The following TMEM33 variants were observed in gnomAD, a reference collection of about 807,000 sequenced individuals.
TMEM33 encodes transmembrane protein 33.
Under a neutral mutation model 29.7 loss-of-function variants are expected in TMEM33, and 16 were observed. That is an observed-to-expected ratio of 0.54 (90% CI 0.36 to 0.82). The LOEUF (loss-of-function observed/expected upper bound fraction) is 0.82, where lower values mean the gene tolerates loss of function less well. TMEM33 is among the 40% of genes least tolerant of loss of function. The pLI is 0.00. For missense variants in TMEM33, 252 were observed against 295.3 expected (o/e 0.85, Z 1.08); for synonymous variants, 112 against 109.4 (o/e 1.02, Z -0.15).
At position 41,958,075 on chromosome 4, in the gene TMEM33, GC is replaced by G. The variant is rs1713339435; in HGVS notation, c.*3878del. 6.6e-6 allele frequency: 1 copy of G among 152,122 alleles called. No individual in the cohort carries two copies. Among genetic ancestry groups the G allele is most frequent in the Non-Finnish European group, 1.5e-5 (1 of 68,246 alleles). 9.4% of individuals were successfully genotyped at this position (152,122 alleles called of 1,614,324 possible). On this transcript the variant is annotated 3_prime_UTR_variant, in exon 7 of 7. Coordinates refer to ENST00000504986, the MANE Select transcript of TMEM33 (RefSeq NM_018126.3). ...GTTGGCCAGGCTGGAGTGCAATGGC[GC>G]CATCTCAGCTCACTGCAACCTCTGC...
intron 6 of TMEM33, among the ~76,000 whole-genome samples, chr4:41,951,420 T>C (rs917354825): frequency 6.6e-6 from 1 of 152,138 alleles, no homozygotes; most frequent in African/African-American, 2.4e-5. Flanking sequence ...TATGCAAAAA[T>C]TTTATCATTG....
Position 41,954,274 on chromosome 4 carries a change from T to G in TMEM33, c.*75T>G. On this transcript the variant is annotated 3_prime_UTR_variant, in exon 7 of 7. Coordinates refer to ENST00000504986, the MANE Select transcript of TMEM33 (RefSeq NM_018126.3). Reference sequence around the variant, plus strand: ...GGTACTTCTGCTAGGGGTTGTAAATTCCAGGTGTTACACTGACCTCAATCC... The same window carrying G: ...GGTACTTCTGCTAGGGGTTGTAAATGCCAGGTGTTACACTGACCTCAATCC... 6.5e-7 allele frequency: 1 copy of G among 1,534,198 alleles called. No homozygotes were observed. The highest frequency in any genetic ancestry group is 8.9e-7 in the Non-Finnish European group (1 of 1,125,016).
At chr4:41,935,141 C>T (rs1481525438), upstream of TMEM33, 4 of 412,152 alleles carry the variant, frequency 9.7e-6, no homozygotes, top group Non-Finnish European at 1.8e-5. Flanking sequence ...AGGAGCACTT[C>T]CGGGTTCGGC....
chr4:41,944,985 ACT>A, intron 5 of TMEM33, 59 bp downstream of exon 5: 1 of 1,583,968 alleles, frequency 6.3e-7, no homozygotes, highest in East Asian at 2.2e-5. Context: ...AAAGATAGTA[ACT>A]CAAGTTTTAT....
Position 41,954,265 on chromosome 4 carries a change from G to T in TMEM33, c.*66G>T. Reference sequence around the variant, plus strand: ...TTAGCAGCTGGTACTTCTGCTAGGGGTTGTAAATTCCAGGTGTTACACTGA... The same window carrying T: ...TTAGCAGCTGGTACTTCTGCTAGGGTTTGTAAATTCCAGGTGTTACACTGA... On this transcript the variant is annotated 3_prime_UTR_variant, in exon 7 of 7. Coordinates refer to ENST00000504986, the MANE Select transcript of TMEM33 (RefSeq NM_018126.3). 6 of 1,553,288 alleles carry T rather than the reference G, an allele frequency of 3.9e-6. No homozygotes were observed. The highest frequency in any genetic ancestry group is 1.7e-4 in the Middle Eastern group (1 of 5,792).
rs924493294 is a variant in TMEM33 at position 41,957,103 on chromosome 4, T to C, written c.*2904T>C. Reference sequence around the variant, plus strand: ...TGGAAGTGGTGTAGTACCATTGTTCTTCTGGCATTTTTAAATATTAAACCT... The same window carrying C: ...TGGAAGTGGTGTAGTACCATTGTTCCTCTGGCATTTTTAAATATTAAACCT... On this transcript the variant is annotated 3_prime_UTR_variant, in exon 7 of 7. Coordinates refer to ENST00000504986, the MANE Select transcript of TMEM33 (RefSeq NM_018126.3). The C allele has an allele frequency of 6.6e-6, 1 of 152,160 alleles. No individual in the cohort carries two copies. Among genetic ancestry groups the C allele is most frequent in the Admixed American group, 6.5e-5 (1 of 15,278 alleles). The allele number at this position is 152,160 out of a possible 1,614,324, so 9.4% of individuals were successfully genotyped here.
intron 1 of TMEM33, among the ~76,000 whole-genome samples, chr4:41,935,784 T>G (rs1411517715): frequency 6.6e-6 from 1 of 152,174 alleles, no homozygotes; most frequent in Non-Finnish European, 1.5e-5. Flanking sequence ...AAATTGGGCC[T>G]TCTTTCCTCT....
At position 41,955,683 on chromosome 4, in the gene TMEM33, C is replaced by G. The variant is rs1379492219; in HGVS notation, c.*1484C>G. 2 of 152,576 alleles carry G rather than the reference C, an allele frequency of 1.3e-5. No individual in the cohort carries two copies. The highest frequency in any genetic ancestry group is 1.9e-4 in the East Asian group (1 of 5,194). 9.5% of individuals were successfully genotyped at this position (152,576 alleles called of 1,614,324 possible). A position where few individuals can be genotyped will look rare whatever the true frequency, so the allele number is the denominator to read the frequency against. ...ATTTTTGTAATATTTGTCCACTAAG[C>G]TGGAGAAGCAGCCTCATACAGTTGA... On this transcript the variant is annotated 3_prime_UTR_variant, in exon 7 of 7. Transcript: ENST00000504986.
At chr4:41,943,958 T>A in intron 4 of TMEM33, 144 bp downstream of exon 4, 1 of 704,410 alleles carries the variant, frequency 1.4e-6, no homozygotes, top group Non-Finnish European at 2.3e-6. Flanking sequence ...TTGAAAGTTT[T>A]AAGTTTAAAA....
intron 3 of TMEM33, chr4:41,939,751 G>T (rs1158353850): frequency 2.2e-6 from 1 of 457,428 alleles, no homozygotes; most frequent in Non-Finnish European, 4.4e-6. Flanking sequence ...AAAAAGAGAG[G>T]TCCTCAGCTC....
intron 3 of TMEM33, among the ~76,000 whole-genome samples, chr4:41,941,470 G>C (rs981180085): frequency 1.3e-5 from 2 of 152,190 alleles, no homozygotes; most frequent in Admixed American, 1.3e-4. Flanking sequence ...AACTGAATAC[G>C]TCAATAACTT....
intron 5 of TMEM33, among the ~76,000 whole-genome samples, chr4:41,947,558 A>G (rs867010164): frequency 6.6e-5 from 10 of 152,196 alleles, no homozygotes; most frequent in African/African-American, 2.2e-4. Flanking sequence ...GATTACTGTA[A>G]AAAAGATGAG....
chr4:41,941,502 ATCAGGCAC>A (rs1164018167), intron 3 of TMEM33, among the ~76,000 whole-genome samples: 1 of 152,226 alleles, frequency 6.6e-6, no homozygotes, highest in Non-Finnish European at 1.5e-5. Flanking sequence ...CCTCACACAG[ATCAGGCAC>A]TCAGTAAGTT....
chr4:41,954,351 TG>T lies in TMEM33; in HGVS notation c.*154del, dbSNP rs1480832229. 3 of 923,196 alleles carry T rather than the reference TG, an allele frequency of 3.2e-6. No homozygotes were observed. Among genetic ancestry groups the T allele is most frequent in the African/African-American group, 1.7e-5 (1 of 59,124 alleles). The allele number at this position is 923,196 out of a possible 1,614,324, so 57.2% of individuals were successfully genotyped here. On this transcript the variant is annotated 3_prime_UTR_variant, in exon 7 of 7. Coordinates refer to ENST00000504986, the MANE Select transcript of TMEM33 (RefSeq NM_018126.3). ...CTCGGTGGAAAAATAATCATTTTCT[TG>T]GCATGTTAAATCAAGCTTAAAAAGT... is the stretch of plus-strand genomic sequence containing the variant.
chr4:41,939,523 G>T (rs769661774), intron 3 of TMEM33, 140 bp downstream of exon 3: 60 of 900,644 alleles, frequency 6.7e-5, no homozygotes, highest in Middle Eastern at 3.0e-4. Context: ...TATGTTTAGT[G>T]TAAGAATTTC....
chr4:41,946,325 T>G (rs1184560036), intron 5 of TMEM33, among the ~76,000 whole-genome samples: 1 of 152,160 alleles, frequency 6.6e-6, no homozygotes, highest in East Asian at 1.9e-4. Context: ...TTTCATAATT[T>G]TGTTAGTTTG....
At chr4:41,936,610 A>G (rs921493484) in intron 1 of TMEM33, among the ~76,000 whole-genome samples, 1 of 152,160 alleles carries the variant, frequency 6.6e-6, no homozygotes, top group Non-Finnish European at 1.5e-5. Context: ...TAGTCCCAGC[A>G]TAGTCCCAGC....
rs1205828618 is a variant in TMEM33, at chr4:41,953,778, A to G, written c.615-292A>G. On this transcript the variant is annotated intron_variant, in intron 6 of 6. Coordinates refer to ENST00000504986, the MANE Select transcript of TMEM33 (RefSeq NM_018126.3). The stretch of plus-strand genomic sequence containing the variant: ...TGTGCAGTTTGTGGTGCCCCAAAAC[A>G]GTTACAATAGTAACACCAAAGAGAT... The G allele has an allele frequency of 1.9e-5, 9 of 473,608 alleles. No individual in the cohort carries two copies. In the Admixed American group the frequency reaches 2.1e-4, roughly 11 times the overall value. 29.3% of individuals were successfully genotyped at this position (473,608 alleles called of 1,614,324 possible).
At position 41,954,054 on chromosome 4, in the gene TMEM33, C is replaced by T. The variant is rs1466591194; in HGVS notation, c.615-16C>T. On this transcript the variant is annotated splice_polypyrimidine_tract_variant and intron_variant, in intron 6 of 6. Coordinates refer to ENST00000504986, the MANE Select transcript of TMEM33 (RefSeq NM_018126.3). ...TTTTCCTTGTGTTTCTCAAAGAAAA[C>T]TATTTTGTCTTGCAGGACCTTATTT... is the stretch of plus-strand genomic sequence containing the variant. 1.9e-6 allele frequency: 3 copies of T among 1,610,942 alleles called. No homozygotes were observed. Among genetic ancestry groups the T allele is most frequent in the African/African-American group, 1.3e-5 (1 of 74,780 alleles).
Sources: allele counts gnomAD v4.1 joint callset (sites outside exome capture counted in the v4.1 genomes callset), GRCh38; gene constraint gnomAD v4.1.1; transcripts MANE v1.5; gene names NCBI Gene and HGNC (gene_info 2026-07-23, HGNC 2026-07-21).